CLIC5: variants seen among roughly 807,000 people sequenced by gnomAD.
CLIC5 encodes the protein chloride intracellular channel protein 5.
Under a neutral mutation model 24.7 loss-of-function variants are expected in CLIC5, and 20 were observed. The ratio of observed to expected loss-of-function variants is 0.81; its 90% CI spans 0.57 to 1.18. The LOEUF (loss-of-function observed/expected upper bound fraction) is 1.18, where lower values mean the gene tolerates loss of function less well. Among genes scored for constraint, CLIC5 ranks in the 50% most tolerant of loss-of-function variants. CLIC5 has a pLI of 0.00. For synonymous variants in CLIC5, 159 were observed against 135.6 expected (o/e 1.17, Z -1.20); for missense variants, 341 against 326.1 (o/e 1.05, Z -0.35).
chr6:46,053,713 T>C (rs2127466594), intron 1 of CLIC5, among the ~76,000 whole-genome samples: 1 of 152,318 alleles, frequency 6.6e-6, no homozygotes, highest in East Asian at 1.9e-4. Flanking sequence ...CTCTCAGCTT[T>C]CCTGGAAGCT....
chr6:45,974,218 C>T (rs1222661806), intron 1 of CLIC5, among the ~76,000 whole-genome samples: 2 of 151,574 alleles, frequency 1.3e-5, no homozygotes, highest in East Asian at 1.9e-4. Flanking sequence ...GGTTTCTGTC[C>T]TTATGCTCCC....
At chr6:46,061,283 G>A (rs375285159) in intron 1 of CLIC5, among the ~76,000 whole-genome samples, 18 of 152,094 alleles carry the variant, frequency 1.2e-4, no homozygotes, top group South Asian at 4.2e-4. Context: ...TCTGTCTCCC[G>A]GGTTCAAGCA....
intron 1 of CLIC5, among the ~76,000 whole-genome samples, chr6:46,073,038 C>T (rs1237446345): frequency 6.6e-6 from 1 of 152,160 alleles, no homozygotes; most frequent in Non-Finnish European, 1.5e-5. Flanking sequence ...TTGCAGGCAG[C>T]CTTAGGAAGG....
chr6:45,891,063 A>C (rs1404758503), intron 6 of CLIC5, among the ~76,000 whole-genome samples: 1 of 152,224 alleles, frequency 6.6e-6, no homozygotes, highest in African/African-American at 2.4e-5. Flanking sequence ...AGCTGAAAAA[A>C]GAGGATTTTA....
chr6:45,915,169 C>T (rs866225976), intron 4 of CLIC5, among the ~76,000 whole-genome samples: 4 of 151,898 alleles, frequency 2.6e-5, no homozygotes, highest in South Asian at 4.2e-4. Context: ...ACCTCATGAT[C>T]GGCCCGCCTT....
intron 1 of CLIC5, among the ~76,000 whole-genome samples, chr6:46,072,697 G>A (rs922546074): frequency 6.6e-6 from 1 of 152,016 alleles, no homozygotes; most frequent in African/African-American, 2.4e-5. Context: ...CTTTCATGAA[G>A]GTTTCTTCCC....
intron 1 of CLIC5, among the ~76,000 whole-genome samples, chr6:46,064,104 T>C (rs973431947): frequency 6.6e-6 from 1 of 151,872 alleles, no homozygotes; most frequent in African/African-American, 2.4e-5. Context: ...TATAAGGACA[T>C]TAAAACTGCT....
chr6:46,106,891 T>A, the CLIC5 span, among the ~76,000 whole-genome samples: 1 of 152,238 alleles, frequency 6.6e-6, no homozygotes, highest in East Asian at 1.9e-4. Context: ...ACAGTTTGAA[T>A]CCAAATGCCT....
At chr6:45,942,014 G>T (rs1430946141) in intron 3 of CLIC5, among the ~76,000 whole-genome samples, 1 of 152,106 alleles carries the variant, frequency 6.6e-6, no homozygotes, top group Non-Finnish European at 1.5e-5. Context: ...TATCTGGTAG[G>T]GTTCTCAACA....
rs1020487804 is a variant in CLIC5 at position 46,001,739 on chromosome 6, A to C, written c.63+13741T>G. On this transcript the variant is annotated intron_variant, in intron 1 of 5. Transcript: ENST00000339561. Reference sequence around the variant, plus strand: ...TTAAAGGGTTTTGGAGTTAGTCAGAAACCCCAACTCTGCCACTTTCCATGG... The same window carrying C: ...TTAAAGGGTTTTGGAGTTAGTCAGACACCCCAACTCTGCCACTTTCCATGG... 5.2e-4 allele frequency among the ~76,000 whole-genome samples: 79 copies of C among 152,326 alleles called. 1 individual carries two copies. Among genetic ancestry groups the C allele is most frequent in the African/African-American group, 1.7e-3 (69 of 41,552 alleles).
chr6:45,972,353 C>A (rs1185114281), intron 1 of CLIC5, among the ~76,000 whole-genome samples: 1 of 152,156 alleles, frequency 6.6e-6, no homozygotes, highest in Non-Finnish European at 1.5e-5. Flanking sequence ...GGATGACATA[C>A]AATAATGGAA....
the CLIC5 span, among the ~76,000 whole-genome samples, chr6:46,086,865 G>C: frequency 6.6e-6 from 1 of 152,132 alleles, no homozygotes; most frequent in Non-Finnish European, 1.5e-5. Flanking sequence ...AGTCATTTCA[G>C]TCACTGTGCA....
At chr6:46,069,821 CCA>C (rs986301502) in intron 1 of CLIC5, among the ~76,000 whole-genome samples, 1 of 152,122 alleles carries the variant, frequency 6.6e-6, no homozygotes, top group African/African-American at 2.4e-5. Context: ...CAAAAATCTT[CCA>C]CAAAATACTG....
At chr6:46,010,614 A>G (rs1428251546) in intron 1 of CLIC5, among the ~76,000 whole-genome samples, 1 of 152,182 alleles carries the variant, frequency 6.6e-6, no homozygotes, top group East Asian at 1.9e-4. Context: ...GCCCAAAGAG[A>G]CAACACAAGT....
At chr6:45,970,364 G>A (rs554889653) in intron 1 of CLIC5, among the ~76,000 whole-genome samples, 31 of 151,976 alleles carry the variant, frequency 2.0e-4, no homozygotes, top group Middle Eastern at 3.4e-3. Flanking sequence ...TCTCAGCCTT[G>A]AAAAAAAATC....
chr6:46,046,554 G>T (rs192103305), intron 1 of CLIC5, among the ~76,000 whole-genome samples: 1 of 152,152 alleles, frequency 6.6e-6, no homozygotes, highest in South Asian at 2.1e-4. Context: ...ATTCAGTGTG[G>T]TCACTTAAGA....
At chr6:46,038,805 C>G (rs1259072076) in intron 1 of CLIC5, among the ~76,000 whole-genome samples, 2 of 152,118 alleles carry the variant, frequency 1.3e-5, no homozygotes, top group Non-Finnish European at 2.9e-5. Flanking sequence ...TTTCAAGTAA[C>G]AGAGAAAATT....
chr6:46,112,402 C>A, the CLIC5 span, among the ~76,000 whole-genome samples: 1 of 152,186 alleles, frequency 6.6e-6, no homozygotes, highest in Non-Finnish European at 1.5e-5. Flanking sequence ...CCCATCTTTT[C>A]CCCCTTTCAT....
intron 1 of CLIC5, among the ~76,000 whole-genome samples, chr6:45,987,179 C>T (rs1171395794): frequency 6.6e-6 from 1 of 152,188 alleles, no homozygotes; most frequent in East Asian, 1.9e-4. Context: ...ATGTTTGCTT[C>T]CTAGAGACAC....
Sources: gnomAD v4.1 joint callset for allele counts (sites outside exome capture counted in the v4.1 genomes callset) on GRCh38, gnomAD v4.1.1 for gene constraint, MANE v1.5 for transcripts, NCBI Gene and HGNC (gene_info 2026-07-23, HGNC 2026-07-21) for gene names.